CD44: variants seen among roughly 807,000 people sequenced by gnomAD.
CD44 encodes the protein CD44 antigen.
Under a neutral mutation model 88.8 loss-of-function variants are expected in CD44, and 49 were observed. The observed-to-expected ratio is 0.55, with a 90% CI of 0.44 to 0.70. CD44 has a LOEUF of 0.70. Among genes scored for constraint, CD44 ranks in the 30% least tolerant of loss-of-function variants. CD44 has a pLI of 0.00. For synonymous variants in CD44, 325 were observed against 312.3 expected (o/e 1.04, Z -0.43); for missense variants, 883 against 913.8 (o/e 0.97, Z 0.43).
At chr11:35,152,028 G>T (rs1860417045) in intron 1 of CD44, among the ~76,000 whole-genome samples, 1 of 152,254 alleles carries the variant, frequency 6.6e-6, no homozygotes, top group Admixed American at 6.5e-5. Context: ...GGCGACAGGA[G>T]GAATAACTAG....
At chr11:35,199,401 G>T (rs986719366) in intron 7 of CD44, among the ~76,000 whole-genome samples, 5 of 152,158 alleles carry the variant, frequency 3.3e-5, no homozygotes, top group Non-Finnish European at 7.4e-5. Context: ...ACAGAGCTGA[G>T]AATCCTGAAC....
chr11:35,154,909 A>G (rs1941649393), intron 1 of CD44, among the ~76,000 whole-genome samples: 1 of 152,056 alleles, frequency 6.6e-6, no homozygotes, highest in Non-Finnish European at 1.5e-5. Flanking sequence ...TATTATCAAG[A>G]CTCAGGTTTA....
chr11:35,201,010 CTA>C lies in CD44; in HGVS notation c.923-70_923-69del, dbSNP rs1323970961. ...CATTGCATAGCCTACAGAAGCAAGA[CTA>C]TGTGCGGGACAAGTGGCGAAGGCTC... On this transcript the variant is annotated intron_variant, in intron 7 of 17. Transcript: ENST00000428726. 10 of 1,044,648 alleles carry C rather than the reference CTA, an allele frequency of 9.6e-6. No homozygotes were observed. The African/African-American group carries it at 1.6e-4, about 16-fold the overall frequency. The allele number at this position is 1,044,648 out of a possible 1,614,324, so 64.7% of individuals were successfully genotyped here.
At chr11:35,162,116 A>C (rs1295221573) in intron 1 of CD44, among the ~76,000 whole-genome samples, 8 of 152,148 alleles carry the variant, frequency 5.3e-5, no homozygotes, top group African/African-American at 1.9e-4. Context: ...CTGACTCCCC[A>C]GCCCCCAAGA....
intron 1 of CD44, among the ~76,000 whole-genome samples, chr11:35,150,793 C>T (rs1327003100): frequency 2.0e-5 from 3 of 152,154 alleles, no homozygotes; most frequent in African/African-American, 4.8e-5. Context: ...AGAGCTTCTC[C>T]CTCTCAGTCA....
chr11:35,219,201 A>G (rs1423197746), intron 15 of CD44, 115 bp from the exon 16 acceptor site: 1 of 756,896 alleles, frequency 1.3e-6, no homozygotes, highest in Non-Finnish European at 2.4e-6. Context: ...GCTTGAATCC[A>G]TAAATGGCTT....
intron 4 of CD44, among the ~76,000 whole-genome samples, chr11:35,187,543 A>C (rs1945806475): frequency 2.0e-5 from 3 of 152,224 alleles, no homozygotes; most frequent in Admixed American, 2.0e-4. Context: ...TTTAAAAAGA[A>C]ATTGCACATG....
intron 1 of CD44, among the ~76,000 whole-genome samples, chr11:35,157,184 T>C (rs1941977670): frequency 6.6e-6 from 1 of 152,234 alleles, no homozygotes; most frequent in African/African-American, 2.4e-5. Flanking sequence ...TTCTCCTTTT[T>C]GAAGTCCCCA....
chr11:35,148,587 A>C (rs542510747), intron 1 of CD44, among the ~76,000 whole-genome samples: 2 of 152,316 alleles, frequency 1.3e-5, no homozygotes, highest in East Asian at 1.9e-4. Flanking sequence ...CCTCACAAAC[A>C]CATCTCCATT....
At chr11:35,184,046 C>T (rs940971741) in intron 3 of CD44, among the ~76,000 whole-genome samples, 6 of 152,134 alleles carry the variant, frequency 3.9e-5, no homozygotes, top group Non-Finnish European at 7.4e-5. Flanking sequence ...AAGCCCACCT[C>T]AGAGAATTTC....
At chr11:35,146,323 A>G (rs1859163189) in intron 1 of CD44, among the ~76,000 whole-genome samples, 2 of 152,222 alleles carry the variant, frequency 1.3e-5, no homozygotes, top group Non-Finnish European at 2.9e-5. Flanking sequence ...GATTATTCAC[A>G]TAGACCAGTC....
intron 5 of CD44, among the ~76,000 whole-genome samples, chr11:35,194,790 A>C (rs1489201585): frequency 6.6e-6 from 1 of 152,248 alleles, no homozygotes; most frequent in Non-Finnish European, 1.5e-5. Context: ...AGAGGAAGGA[A>C]AAACTATGAA....
At position 35,211,372 on chromosome 11, in the gene CD44, C is replaced by T. The variant is rs769889330; in HGVS notation, c.1733C>T (p.Ser578Leu). 2.5e-6 allele frequency: 4 copies of T among 1,614,024 alleles called. No homozygotes were observed. Among genetic ancestry groups the T allele is most frequent in the Non-Finnish European group, 3.4e-6 (4 of 1,179,890 alleles). Residue 578 changes from serine (S) to leucine (L), a missense_variant, in exon 14 of 18, where the codon TCA becomes TTA. Transcript: ENST00000428726. ...AGCAGGACCTTCATCCCAGTGACCT[C>T]AGCTAAGACTGGGTCCTTTGGAGTT... ...KESRTFIPVT[S>L]AKTGSFGVTA...
At chr11:35,177,525 C>A (rs1944590926) in intron 2 of CD44, among the ~76,000 whole-genome samples, 1 of 152,196 alleles carries the variant, frequency 6.6e-6, no homozygotes, top group African/African-American at 2.4e-5. Context: ...AAGTTTCTAC[C>A]CCAGCCTGTA....
chr11:35,217,882 C>A (rs1383845543), intron 15 of CD44, among the ~76,000 whole-genome samples: 1 of 152,136 alleles, frequency 6.6e-6, no homozygotes, highest in Admixed American at 6.6e-5. Context: ...ATTCATGAAG[C>A]TTTCATTTTG....
Position 35,206,127 on chromosome 11 carries a change from C to A in CD44, c.1298C>A (p.Thr433Asn), listed in dbSNP as rs35963728. 390 of 1,610,208 alleles carry A rather than the reference C, an allele frequency of 2.4e-4. 2 individuals carry two copies. The African/African-American group carries it at 4.5e-3, about 19-fold the overall frequency. The change falls in exon 11 of 18, where the codon ACC becomes AAC. Residue 433 changes from threonine (T) to asparagine (N), a missense_variant. Thr to Asn is a moderately conservative substitution (Grantham distance 65, BLOSUM62 0). Transcript: ENST00000428726. ...ATGGTCACAGCAGCCTCAGCTCATA[C>A]CAGCCATCCAATGCAAGGAAGGACA... Reference protein sequence around the residue: ...TTGTAAASAHTSHPMQGRTTP... With the variant: ...TTGTAAASAHNSHPMQGRTTP...
intron 3 of CD44, among the ~76,000 whole-genome samples, chr11:35,184,168 G>C (rs568610590): frequency 6.6e-6 from 1 of 152,172 alleles, no homozygotes; most frequent in Non-Finnish European, 1.5e-5. Context: ...TCCGACATGA[G>C]AGCATGAGTC....
At chr11:35,198,451 T>C (rs1468626985) in intron 7 of CD44, 1 of 527,080 alleles carries the variant, frequency 1.9e-6, no homozygotes, top group Non-Finnish European at 3.3e-6. Flanking sequence ...AAATTTCTCT[T>C]GTCTCATGTT....
chr11:35,201,351 G>A (rs551555778), intron 8 of CD44, among the ~76,000 whole-genome samples, 156 bp downstream of exon 8: 1 of 152,314 alleles, frequency 6.6e-6, no homozygotes, highest in Non-Finnish European at 1.5e-5. Flanking sequence ...CCATTTAGGA[G>A]TCATTTATCA....
Sources: gnomAD v4.1 joint callset for allele counts (sites outside exome capture counted in the v4.1 genomes callset) on GRCh38, gnomAD v4.1.1 for gene constraint, MANE v1.5 for transcripts, NCBI Gene and HGNC (gene_info 2026-07-23, HGNC 2026-07-21) for gene names.